Variants in PPP4R2 observed in about 807,000 individuals in gnomAD.
The protein encoded by PPP4R2 is protein phosphatase 4 regulatory subunit 2.
In PPP4R2, 13 loss-of-function variants were observed where a neutral mutation model predicts 47.2. The observed-to-expected ratio is 0.28, with a 90% CI of 0.18 to 0.44. PPP4R2 has a LOEUF of 0.44. Ranked by LOEUF, PPP4R2 falls within the 20% of genes least tolerant of loss-of-function variation. The pLI, the probability that PPP4R2 is intolerant of heterozygous loss-of-function variation, is 1.00. For missense variants in PPP4R2, 421 were observed against 491.2 expected, an observed-to-expected ratio of 0.86 and a Z score of 1.35; for synonymous variants, 151 against 163.3, an observed-to-expected ratio of 0.92 and a Z score of 0.57.
chr3:73,040,519 G>A (rs1159307548), intron 2 of PPP4R2, among the ~76,000 whole-genome samples: 1 of 62,050 alleles, frequency 1.6e-5, no homozygotes, highest in Non-Finnish European at 3.3e-5. Flanking sequence ...TTTTTTTTTT[G>A]GAGACAGTCT....
intron 5 of PPP4R2, chr3:73,063,030 G>C (rs1372971830): frequency 1.1e-6 from 1 of 872,262 alleles, no homozygotes; most frequent in African/African-American, 1.7e-5. Flanking sequence ...AAAAAACAAT[G>C]GTTAAAAAGG....
In PPP4R2 at chr3:72,996,941, G is replaced by C. The variant is rs1701355604; in HGVS notation, c.-97G>C. The C allele has an allele frequency of 1.0e-6, 1 of 964,690 alleles. No homozygotes were observed. The highest frequency in any genetic ancestry group is 4.0e-5 in the Admixed American group (1 of 24,890). 59.8% of individuals were successfully genotyped at this position (964,690 alleles called of 1,614,324 possible). Reference sequence around the variant, plus strand: ...GTCGCCTGCGTGCCGGAGTGTGTGCGAGGGAGGGGGAGGGCGTCGGGGGGG... The same window carrying C: ...GTCGCCTGCGTGCCGGAGTGTGTGCCAGGGAGGGGGAGGGCGTCGGGGGGG... On this transcript the variant is annotated 5_prime_UTR_variant, in exon 1 of 9. Coordinates refer to ENST00000356692, the MANE Select transcript of PPP4R2 (RefSeq NM_174907.4).
At chr3:73,026,615 C>T (rs1316578265) in intron 2 of PPP4R2, among the ~76,000 whole-genome samples, 3 of 152,056 alleles carry the variant, frequency 2.0e-5, no homozygotes, top group African/African-American at 7.2e-5. Context: ...TTATACAGCC[C>T]GCAGGCTGCA....
intron 3 of PPP4R2, among the ~76,000 whole-genome samples, chr3:73,058,483 TTGA>T (rs1306315224): frequency 6.6e-6 from 1 of 152,034 alleles, no homozygotes; most frequent in African/African-American, 2.4e-5. Flanking sequence ...AAGCTTTCTG[TTGA>T]TTTTGGGTGT....
intron 7 of PPP4R2, 95 bp downstream of exon 7, chr3:73,064,241 G>A (rs1702936139): frequency 9.0e-7 from 1 of 1,108,288 alleles, no homozygotes. Context: ...AAGTTCTGAG[G>A]GACAGAACAA....
chr3:73,038,872 C>T (rs952277245), intron 2 of PPP4R2, among the ~76,000 whole-genome samples: 5 of 152,188 alleles, frequency 3.3e-5, no homozygotes, highest in Non-Finnish European at 5.9e-5. Flanking sequence ...GTGTTACCTT[C>T]TGAAGCTTTC....
intron 2 of PPP4R2, among the ~76,000 whole-genome samples, chr3:73,021,758 G>A (rs900085278): frequency 1.2e-4 from 18 of 151,860 alleles, no homozygotes; most frequent in African/African-American, 3.9e-4. Context: ...CAAGTACTGC[G>A]CTAGGTATTG....
intron 2 of PPP4R2, among the ~76,000 whole-genome samples, chr3:73,042,318 G>T (rs1436571302): frequency 6.9e-6 from 1 of 145,806 alleles, no homozygotes; most frequent in African/African-American, 2.5e-5. Flanking sequence ...CAAGTTTTTA[G>T]TTGATTTGCG....
intron 1 of PPP4R2, 103 bp downstream of exon 1, chr3:72,997,174 G>T (rs1701364485): frequency 2.1e-6 from 2 of 958,338 alleles, no homozygotes; most frequent in East Asian, 3.3e-5. Context: ...GGCGCGGCGT[G>T]GGGAGAGTGC....
chr3:73,000,672 G>A (rs926767717), intron 2 of PPP4R2, among the ~76,000 whole-genome samples: 1 of 152,172 alleles, frequency 6.6e-6, no homozygotes, highest in African/African-American at 2.4e-5. Context: ...CTAAATTGAT[G>A]TGAAGAGGGA....
chr3:73,059,022 T>A lies in PPP4R2; in HGVS notation c.288-15T>A, dbSNP rs1702788542. The A allele has an allele frequency of 1.4e-6, 2 of 1,475,950 alleles. No homozygotes were observed. 91.4% of individuals were successfully genotyped at this position (1,475,950 alleles called of 1,614,324 possible). On this transcript the variant is annotated splice_polypyrimidine_tract_variant and intron_variant, in intron 3 of 8. Transcript: ENST00000356692. The stretch of plus-strand genomic sequence containing the variant: ...TATCAGTGATCTCACACTGTAAAAT[T>A]ATATTTTTTTGCAGTATCCCTTTTA...
chr3:73,007,731 G>A (rs1456746864), intron 2 of PPP4R2, among the ~76,000 whole-genome samples: 7 of 152,040 alleles, frequency 4.6e-5, no homozygotes, highest in African/African-American at 9.7e-5. Context: ...TCAAGTGATC[G>A]ACCCGTCTCG....
chr3:73,049,764 T>C (rs1702571172), intron 3 of PPP4R2, among the ~76,000 whole-genome samples: 1 of 149,820 alleles, frequency 6.7e-6, no homozygotes, highest in Admixed American at 6.7e-5. Context: ...TATATATAAA[T>C]ATAATAAAAT....
At chr3:73,043,102 T>TAATG (rs35976087) in intron 2 of PPP4R2, among the ~76,000 whole-genome samples, 1 of 151,484 alleles carries the variant, frequency 6.6e-6, no homozygotes, top group Non-Finnish European at 1.5e-5. Flanking sequence ...CGCTATGAAT[T>TAATG]GGTGATTATT....
At chr3:73,049,918 C>T (rs940440783) in intron 3 of PPP4R2, among the ~76,000 whole-genome samples, 6 of 151,614 alleles carry the variant, frequency 4.0e-5, no homozygotes, top group Admixed American at 6.6e-5. Flanking sequence ...ATTTTTGAAC[C>T]GTATTTTGAA....
In PPP4R2 at chr3:73,064,955, C is replaced by G. The variant is rs777101080; in HGVS notation, c.742C>G (p.Leu248Val). 9 of 1,613,728 alleles carry G rather than the reference C, an allele frequency of 5.6e-6. No homozygotes were observed. Among genetic ancestry groups the G allele is most frequent in the African/African-American group, 5.3e-5 (4 of 74,886 alleles). ...VEAEGHEVKRLRFDKEGEVRE... is the reference protein window; with the variant it reads ...VEAEGHEVKRVRFDKEGEVRE... Reference sequence around the variant, plus strand: ...AGCTGAGGGGCATGAGGTAAAAAGACTCAGGTTTGACAAAGAAGGTGAAGT... The same window carrying G: ...AGCTGAGGGGCATGAGGTAAAAAGAGTCAGGTTTGACAAAGAAGGTGAAGT... Residue 248 changes from leucine (L) to valine (V), a missense_variant, in exon 8 of 9, where the codon CTC becomes GTC. Physicochemically the swap from Leu to Val is conservative, Grantham distance 32. Coordinates refer to ENST00000356692, the MANE Select transcript of PPP4R2 (RefSeq NM_174907.4).
chr3:73,024,392 A>G (rs1423934711), intron 2 of PPP4R2, among the ~76,000 whole-genome samples: 1 of 152,184 alleles, frequency 6.6e-6, no homozygotes, highest in African/African-American at 2.4e-5. Flanking sequence ...GTATAACAAC[A>G]TAGAGGATCT....
intron 2 of PPP4R2, among the ~76,000 whole-genome samples, chr3:73,013,388 T>C (rs1027989221): frequency 6.6e-6 from 1 of 152,214 alleles, no homozygotes; most frequent in Non-Finnish European, 1.5e-5. Context: ...ATCACACAAA[T>C]TAGGTAATTC....
chr3:73,033,813 C>A (rs1387894384), intron 2 of PPP4R2, among the ~76,000 whole-genome samples: 2 of 152,112 alleles, frequency 1.3e-5, no homozygotes, highest in East Asian at 3.9e-4. Context: ...TCACGTAATG[C>A]TTTCAGGGTT....
Sources: allele counts gnomAD v4.1 joint callset (sites outside exome capture counted in the v4.1 genomes callset), GRCh38; gene constraint gnomAD v4.1.1; transcripts MANE v1.5; gene names NCBI Gene and HGNC (gene_info 2026-07-23, HGNC 2026-07-21).